Variants in ANKRD42 observed in about 807,000 individuals in gnomAD.
ANKRD42 encodes ankyrin repeat domain 42.
In ANKRD42, 43 loss-of-function variants were observed where a neutral mutation model predicts 51.5. The ratio of observed to expected loss-of-function variants is 0.83; its 90% CI spans 0.65 to 1.08. The LOEUF (loss-of-function observed/expected upper bound fraction) is 1.08, where lower values mean the gene tolerates loss of function less well. ANKRD42 is among the 50% of genes least tolerant of loss of function. The pLI, the probability that ANKRD42 is intolerant of heterozygous loss-of-function variation, is 0.00. For missense variants in ANKRD42, 608 were observed against 629.3 expected (o/e 0.97, Z 0.36); for synonymous variants, 203 against 213.0 (o/e 0.95, Z 0.41).
chr11:83,198,534 T>C lies in ANKRD42; in HGVS notation c.114T>C (p.Asp38=). The change falls in exon 2 of 11, where the codon GAT becomes GAC. Residue 38 remains aspartate (D), a synonymous_variant. Transcript: ENST00000533342. ...GSIHDAVRAG[D]VKQLSEIVVR... is the part of the protein sequence containing the mutation. ...TACATGATGCAGTACGAGCTGGAGA[T>C]GTAAAGCAGCTTTCAGAAATAGTGG... 6.2e-7 allele frequency: 1 copy of C among 1,614,002 alleles called. No homozygotes were observed. The highest frequency in any genetic ancestry group is 1.1e-5 in the South Asian group (1 of 91,068).
At chr11:83,223,703 G>C (rs1484847491) in intron 5 of ANKRD42, among the ~76,000 whole-genome samples, 1 of 152,194 alleles carries the variant, frequency 6.6e-6, no homozygotes, top group Non-Finnish European at 1.5e-5. Context: ...GCAGGGCCTA[G>C]TGTGAGGGGC....
Position 83,248,373 on chromosome 11 carries a change from CATCTGTCT to C in ANKRD42, c.*174_*181del. ...CTATAACTTTCTAGATACATACACA[CATCTGTCT>C]ATCTATCTTCAAACAGCAGCCTAGT... is the stretch of plus-strand genomic sequence containing the variant. On this transcript the variant is annotated 3_prime_UTR_variant, in exon 11 of 11. Transcript: ENST00000533342. 1 of 1,325,854 alleles carries C rather than the reference CATCTGTCT, an allele frequency of 7.5e-7. No individual in the cohort carries two copies. The highest frequency in any genetic ancestry group is 9.6e-7 in the Non-Finnish European group (1 of 1,045,392). The allele number at this position is 1,325,854 out of a possible 1,614,324, so 82.1% of individuals were successfully genotyped here. A position where few individuals can be genotyped will look rare whatever the true frequency, so the allele number is the denominator to read the frequency against.
At chr11:83,229,132 C>A (rs1862990271) in intron 7 of ANKRD42, among the ~76,000 whole-genome samples, 1 of 151,810 alleles carries the variant, frequency 6.6e-6, no homozygotes, top group Admixed American at 6.6e-5. Flanking sequence ...AGGCTTCTCT[C>A]TTTGGCTTAT....
Position 83,247,998 on chromosome 11 carries a change from T to C in ANKRD42, c.1378T>C (p.Leu460=), listed in dbSNP as rs766851306. 6.2e-7 allele frequency: 1 copy of C among 1,613,602 alleles called. No individual in the cohort carries two copies. The highest frequency in any genetic ancestry group is 8.5e-7 in the Non-Finnish European group (1 of 1,179,826). ...GTATGAACGACTACGTAGAGAAAAA[T>C]TAGAATGTCAGCTTGATGAATATCG... ...LEYERLRREK[L]ECQLDEYRAE... is the part of the protein sequence containing the mutation. Residue 460 remains leucine (L), a synonymous_variant, in exon 11 of 11, where the codon TTA becomes CTA. Transcript: ENST00000533342.
chr11:83,243,663 T>TATG (rs1565196436), intron 9 of ANKRD42, among the ~76,000 whole-genome samples: 289 of 150,290 alleles, frequency 1.9e-3, no homozygotes, highest in African/African-American at 6.8e-3. Context: ...ATGTATGTAT[T>TATG]TATTTATTTA....
chr11:83,213,594 A>C, intron 5 of ANKRD42: 13 of 1,107,366 alleles, frequency 1.2e-5, no homozygotes, highest in Non-Finnish European at 1.5e-5. Context: ...GATGTATCTC[A>C]TTGCAGTTTC....
chr11:83,211,900 A>T (rs1365203078), intron 5 of ANKRD42, among the ~76,000 whole-genome samples: 1 of 152,096 alleles, frequency 6.6e-6, no homozygotes, highest in Admixed American at 6.6e-5. Flanking sequence ...ATCTTACATC[A>T]CACCCATCTT....
downstream of ANKRD42, among the ~76,000 whole-genome samples, chr11:83,256,645 T>TGTCA (rs1272401277): frequency 1.3e-5 from 2 of 152,234 alleles, no homozygotes; most frequent in African/African-American, 4.8e-5. Flanking sequence ...CCTGAAGATC[T>TGTCA]GTCACTGGTT....
chr11:83,243,360 C>T (rs554259935), intron 9 of ANKRD42, among the ~76,000 whole-genome samples: 3 of 152,200 alleles, frequency 2.0e-5, no homozygotes, highest in South Asian at 2.1e-4. Context: ...TGCATAAATA[C>T]GTGATTTTTA....
intron 9 of ANKRD42, among the ~76,000 whole-genome samples, chr11:83,242,809 C>T (rs545121146): frequency 6.6e-5 from 10 of 152,044 alleles, no homozygotes; most frequent in Admixed American, 2.6e-4. Flanking sequence ...GTGATCCACC[C>T]GTCTTGGCCT....
At chr11:83,261,973 AAAG>A (rs1325760456), downstream of ANKRD42, 1 of 1,584,000 alleles carries the variant, frequency 6.3e-7, no homozygotes, top group Non-Finnish European at 8.6e-7. Context: ...GAAGCTGTGA[AAAG>A]AAGAAACTGT....
chr11:83,238,807 G>A (rs943824901), intron 8 of ANKRD42, among the ~76,000 whole-genome samples: 1 of 151,278 alleles, frequency 6.6e-6, no homozygotes, highest in Admixed American at 6.6e-5. Context: ...TCCAGTCTGG[G>A]CAACAAGAGC....
At chr11:83,227,903 T>A in intron 7 of ANKRD42, 31 bp downstream of exon 7, 1 of 1,571,390 alleles carries the variant, frequency 6.4e-7, no homozygotes. Flanking sequence ...TCAGTTCGGA[T>A]ACAATAGCTG....
intron 7 of ANKRD42, among the ~76,000 whole-genome samples, chr11:83,232,628 G>T (rs1330003027): frequency 6.6e-6 from 1 of 152,078 alleles, no homozygotes; most frequent in African/African-American, 2.4e-5. Context: ...TTCTAGTACT[G>T]TGTTGAATAA....
chr11:83,227,018 T>A (rs1862907437), intron 6 of ANKRD42, among the ~76,000 whole-genome samples: 1 of 152,214 alleles, frequency 6.6e-6, no homozygotes, highest in Non-Finnish European at 1.5e-5. Context: ...TTCCAAGGGA[T>A]GACTCTATAT....
intron 2 of ANKRD42, among the ~76,000 whole-genome samples, chr11:83,200,001 C>T (rs1861806872): frequency 6.6e-6 from 1 of 151,996 alleles, no homozygotes; most frequent in Non-Finnish European, 1.5e-5. Context: ...TTGTTCTGCA[C>T]TTTGGCAGGT....
chr11:83,262,029 G>A, downstream of ANKRD42: 2 of 1,141,876 alleles, frequency 1.8e-6, no homozygotes, highest in Non-Finnish European at 2.5e-6. Flanking sequence ...GAGATAAAGA[G>A]AATAATGTTA....
At chr11:83,237,062 GT>G (rs780364626) in intron 8 of ANKRD42, among the ~76,000 whole-genome samples, 54 of 152,248 alleles carry the variant, frequency 3.5e-4, no homozygotes, top group Non-Finnish European at 3.5e-4. Flanking sequence ...CTATTTGTTC[GT>G]TTGGTTGTTC....
At position 83,211,288 on chromosome 11, in the gene ANKRD42, C is replaced by T. The variant is rs755856343; in HGVS notation, c.451-7C>T. 7 of 1,614,024 alleles carry T rather than the reference C, an allele frequency of 4.3e-6. No individual in the cohort carries two copies. The highest frequency in any genetic ancestry group is 5.9e-6 in the Non-Finnish European group (7 of 1,179,960). ...AGAAACTAAGTCCTTGTGAATGTTA[C>T]CTCTAGGATCCCAGTGTGACTGATA... On this transcript the variant is annotated splice_region_variant and splice_polypyrimidine_tract_variant and intron_variant, in intron 4 of 10. Coordinates refer to ENST00000533342, the MANE Select transcript of ANKRD42 (RefSeq NM_001300975.2).
Sources: allele counts gnomAD v4.1 joint callset (sites outside exome capture counted in the v4.1 genomes callset), GRCh38; gene constraint gnomAD v4.1.1; transcripts MANE v1.5; gene names NCBI Gene and HGNC (gene_info 2026-07-23, HGNC 2026-07-21).